The following KLHL2 variants were observed in gnomAD, a reference collection of about 807,000 sequenced individuals.
KLHL2 encodes kelch like family member 2.
KLHL2 carries 15 observed loss-of-function variants against 75.8 expected under a neutral mutation model. The ratio of observed to expected loss-of-function variants is 0.20; its 90% CI spans 0.13 to 0.30. The LOEUF is 0.30. Among genes scored for constraint, KLHL2 ranks in the 10% least tolerant of loss-of-function variants. The pLI is 1.00. For missense variants in KLHL2, 381 were observed against 741.0 expected (o/e 0.51, Z 5.64); for synonymous variants, 214 against 251.9 (o/e 0.85, Z 1.42).
intron 5 of KLHL2, 42 bp from the exon 6 acceptor site, chr4:165,294,317 G>A: frequency 9.1e-7 from 1 of 1,094,532 alleles, no homozygotes; most frequent in Non-Finnish European, 1.4e-6. Context: ...TATGATAATG[G>A]AATGTTGATG....
chr4:165,275,042 A>T (rs980478364), intron 5 of KLHL2, among the ~76,000 whole-genome samples: 1 of 152,216 alleles, frequency 6.6e-6, no homozygotes, highest in African/African-American at 2.4e-5. Context: ...TAAATGGCCT[A>T]TGTGCTGAGG....
chr4:165,312,690 A>G (rs754046113), intron 11 of KLHL2, among the ~76,000 whole-genome samples: 1 of 152,182 alleles, frequency 6.6e-6, no homozygotes, highest in Non-Finnish European at 1.5e-5. Flanking sequence ...TCTACTTTCT[A>G]TCACTTAGAG....
chr4:165,243,731 T>G (rs1740003431), intron 4 of KLHL2, among the ~76,000 whole-genome samples: 1 of 152,236 alleles, frequency 6.6e-6, no homozygotes, highest in Admixed American at 6.5e-5. Flanking sequence ...AAACCACAAC[T>G]GCTAGGAGTA....
At chr4:165,314,263 T>A in intron 13 of KLHL2, 97 bp downstream of exon 13, 1 of 1,156,962 alleles carries the variant, frequency 8.6e-7, no homozygotes, top group Non-Finnish European at 1.2e-6. Flanking sequence ...ATTTCCATTG[T>A]TCTTTTACTG....
intron 5 of KLHL2, among the ~76,000 whole-genome samples, chr4:165,275,711 A>AT (rs1743030217): frequency 6.6e-6 from 1 of 152,170 alleles, no homozygotes; most frequent in South Asian, 2.1e-4. Context: ...CAGAGTCGGG[A>AT]TTACAGGCAT....
chr4:165,259,366 C>T (rs1273439720), intron 4 of KLHL2, among the ~76,000 whole-genome samples: 1 of 152,188 alleles, frequency 6.6e-6, no homozygotes, highest in Non-Finnish European at 1.5e-5. Context: ...ACCTTAGCCT[C>T]CCAAAGTGCT....
At chr4:165,238,721 T>C (rs1739564561) in intron 3 of KLHL2, 57 bp from the exon 4 acceptor site, 14 of 1,607,354 alleles carry the variant, frequency 8.7e-6, no homozygotes, top group Non-Finnish European at 1.2e-5. Flanking sequence ...ACATTGGCAT[T>C]GGAACTTCCA....
At chr4:165,280,899 T>C (rs1297740005) in intron 5 of KLHL2, among the ~76,000 whole-genome samples, 4 of 152,194 alleles carry the variant, frequency 2.6e-5, no homozygotes, top group African/African-American at 9.7e-5. Flanking sequence ...GTGTTGAAAG[T>C]CAAAGAATCA....
In KLHL2 at chr4:165,265,006, G is replaced by A. The variant is rs529746171; in HGVS notation, c.544+1647G>A. Among the ~76,000 whole-genome samples the A allele has an allele frequency of 1.5e-4, 22 of 151,528 alleles. No individual in the cohort carries two copies. In the South Asian group the frequency reaches 1.9e-3, roughly 13 times the overall value. On this transcript the variant is annotated intron_variant, in intron 5 of 14. Coordinates refer to ENST00000226725, the MANE Select transcript of KLHL2 (RefSeq NM_007246.4). ...ACATTCCCACCAGCAGCATATAAGC[G>A]TTCCCGTTTCACCACATCCACACCA...
At chr4:165,220,871 G>T (rs1053984591) in intron 2 of KLHL2, among the ~76,000 whole-genome samples, 6 of 152,140 alleles carry the variant, frequency 3.9e-5, no homozygotes, top group African/African-American at 1.4e-4. Context: ...ATTGAAAAAT[G>T]AGTAGCTTTT....
chr4:165,226,571 G>T (rs1402219882), intron 2 of KLHL2, among the ~76,000 whole-genome samples: 1 of 151,738 alleles, frequency 6.6e-6, no homozygotes, highest in African/African-American at 2.4e-5. Flanking sequence ...GTCTTCTTAA[G>T]GGCAGAGATG....
intron 4 of KLHL2, among the ~76,000 whole-genome samples, chr4:165,258,856 A>T (rs60197231): frequency 0.075 from 11,351 of 152,240 alleles, 884 homozygotes; most frequent in African/African-American, 0.2. Context: ...AAAGACTAGA[A>T]TATTAAATCT....
chr4:165,240,701 C>T (rs1353315624), intron 4 of KLHL2, among the ~76,000 whole-genome samples: 1 of 152,070 alleles, frequency 6.6e-6, no homozygotes, highest in East Asian at 1.9e-4. Flanking sequence ...TTTGTTCATT[C>T]TTTTTATTCA....
At chr4:165,321,288 T>G (rs537434003) in intron 14 of KLHL2, 2 of 455,898 alleles carry the variant, frequency 4.4e-6, no homozygotes, top group South Asian at 3.1e-5. Flanking sequence ...AAGACCAACC[T>G]CTCCTCTTTC....
chr4:165,230,281 G>A (rs1052627542), intron 3 of KLHL2, among the ~76,000 whole-genome samples: 1 of 152,216 alleles, frequency 6.6e-6, no homozygotes, highest in African/African-American at 2.4e-5. Context: ...TCCTTCAGAT[G>A]ACACTGCTGT....
chr4:165,286,820 C>G (rs947455178), intron 5 of KLHL2, among the ~76,000 whole-genome samples: 1 of 152,114 alleles, frequency 6.6e-6, no homozygotes, highest in Non-Finnish European at 1.5e-5. Flanking sequence ...TTTAGCAGAG[C>G]AGGTATTTGT....
In KLHL2 at chr4:165,264,723, T is replaced by TATAC. The variant is rs1742056354; in HGVS notation, c.544+1367_544+1368insCATA. On this transcript the variant is annotated intron_variant, in intron 5 of 14. Transcript: ENST00000226725. ...GTGTGTGTATATATATATATATACA[T>TATAC]ATATATATATATATATGTATATATA... 5.7e-5 allele frequency among the ~76,000 whole-genome samples: 4 copies of TATAC among 70,510 alleles called. No individual in the cohort carries two copies. The South Asian group carries it at 1.6e-3, about 29-fold the overall frequency. The allele number at this position is 70,510 out of a possible 152,430, so 46.3% of individuals were successfully genotyped here.
chr4:165,224,167 G>A, intron 2 of KLHL2: 1 of 188,162 alleles, frequency 5.3e-6, no homozygotes, highest in South Asian at 7.0e-5. Flanking sequence ...TAGATTGCTA[G>A]CTTTTGGAGA....
chr4:165,279,577 C>T lies in KLHL2; in HGVS notation c.545-14782C>T, dbSNP rs770424494. ...TTCTTGAATTGAAAACCAAAAAGCG[C>T]GTGGAACTGGTGCCTTGGTCCACTG... On this transcript the variant is annotated intron_variant, in intron 5 of 14. Coordinates refer to ENST00000226725, the MANE Select transcript of KLHL2 (RefSeq NM_007246.4). 103 of 1,600,550 alleles carry T rather than the reference C, an allele frequency of 6.4e-5. No homozygotes were observed. In the Admixed American group the frequency reaches 7.8e-4, roughly 12 times the overall value.
Sources: gnomAD v4.1 joint callset for allele counts (sites outside exome capture counted in the v4.1 genomes callset) on GRCh38, gnomAD v4.1.1 for gene constraint, MANE v1.5 for transcripts, NCBI Gene and HGNC (gene_info 2026-07-23, HGNC 2026-07-21) for gene names.